Variants in PLCXD1 observed in about 807,000 individuals in gnomAD.
PLCXD1 encodes the protein phosphatidylinositol specific phospholipase C X domain containing 1, also known as PI-PLC X domain-containing protein 1.
A neutral mutation model predicts 37.8 loss-of-function variants in PLCXD1; 45 were observed. The observed-to-expected ratio is 1.19, with a 90% CI of 0.94 to 1.53. PLCXD1 has a LOEUF of 1.53. Ranked by LOEUF, PLCXD1 falls within the 40% of genes most tolerant of loss-of-function variation. The probability of loss-of-function intolerance (pLI) is 0.00; values close to 1 mark genes in which losing one functional copy is unlikely to be tolerated. For synonymous variants in PLCXD1, 246 were observed against 206.9 expected (o/e 1.19, Z -1.62); for missense variants, 539 against 454.7 (o/e 1.19, Z -1.69).
chrX:292,062 G>A (rs764152886), intron 5 of PLCXD1, among the ~76,000 whole-genome samples: 1 of 152,200 alleles, frequency 6.6e-6, no homozygotes, highest in Non-Finnish European at 1.5e-5. Flanking sequence ...AGGACTTTGG[G>A]AGGCCGAGGC....
rs768901461 is a variant in PLCXD1 at position 299,346 on chromosome X, CT to C, written c.*12del. ...CTGCTGTGGTGCTGACGGGACCCTTCTGAAGTTCGGGACGCGGCGGCTGCAG... is the reference window on the plus strand; with the variant it reads ...CTGCTGTGGTGCTGACGGGACCCTTCGAAGTTCGGGACGCGGCGGCTGCAG... On this transcript the variant is annotated 3_prime_UTR_variant, in exon 7 of 7. Coordinates refer to ENST00000381657, the MANE Select transcript of PLCXD1 (RefSeq NM_018390.4). 5 of 1,593,828 alleles carry C rather than the reference CT, an allele frequency of 3.1e-6. No individual in the cohort carries two copies. The South Asian group carries it at 5.5e-5, about 18-fold the overall frequency.
At chrX:283,465 A>ACCCCAGTTC (rs1352416067) in intron 1 of PLCXD1, 1 of 149,484 alleles carries the variant, frequency 6.7e-6, no homozygotes, top group Non-Finnish European at 1.5e-5. Context: ...TGGCCCGCCC[A>ACCCCAGTTC]CCCCAGTTCC....
rs750320863 is a variant in PLCXD1, at chrX:299,181, C to T, written c.818C>T (p.Thr273Met). The T allele has an allele frequency of 1.5e-5, 25 of 1,613,904 alleles. No homozygotes were observed. Among genetic ancestry groups the T allele is most frequent in the East Asian group, 4.5e-5 (2 of 44,874 alleles). Reference sequence around the variant, plus strand: ...CCGTCCGAGTCCCTGGAGAAGATGACGCTGCCCAACCTTCCGCGGCTGAGC... The same window carrying T: ...CCGTCCGAGTCCCTGGAGAAGATGATGCTGCCCAACCTTCCGCGGCTGAGC... ...AHPSESLEKM[T>M]LPNLPRLSAW... The change falls in exon 7 of 7, where the codon ACG becomes ATG. Residue 273 changes from threonine (T) to methionine (M), a missense_variant. Thr to Met is a moderately conservative substitution (Grantham distance 81). Coordinates refer to ENST00000381657, the MANE Select transcript of PLCXD1 (RefSeq NM_018390.4).
chrX:289,524 T>TTG (rs1291367217), intron 3 of PLCXD1, among the ~76,000 whole-genome samples: 2 of 149,258 alleles, frequency 1.3e-5, no homozygotes, highest in East Asian at 3.9e-4. Context: ...TTCTTTTTTT[T>TTG]TTTTTTGAGA....
Position 299,767 on chromosome X carries a change from A to G in PLCXD1, c.*432A>G, listed in dbSNP as rs2069943180. ...CCGAGACTCCATCTCAAAAGAAAAA[A>G]AAACAGCCGAGTGTGCAGTGACTCA... On this transcript the variant is annotated 3_prime_UTR_variant, in exon 7 of 7. Transcript: ENST00000381657. 1 of 188,502 alleles carries G rather than the reference A, an allele frequency of 5.3e-6. No individual in the cohort carries two copies. Among genetic ancestry groups the G allele is most frequent in the Non-Finnish European group, 1.1e-5 (1 of 94,652 alleles). 11.7% of individuals were successfully genotyped at this position (188,502 alleles called of 1,614,324 possible).
At chrX:284,410 T>TGGCTGTAGGA in intron 2 of PLCXD1, 96 bp downstream of exon 2, 2 of 1,391,254 alleles carry the variant, frequency 1.4e-6, no homozygotes, top group Non-Finnish European at 2.0e-6. Flanking sequence ...GTGGGGACGC[T>TGGCTGTAGGA]GGCTGTAGGA....
rs140121517 is a variant in PLCXD1, at chrX:291,331, A to G, written c.394-168A>G. Reference sequence around the variant, plus strand: ...CAGCTAATTTTTGTATTTTTAGTAGATACGGGGTTTCACCATGTTGGCTAG... The same window carrying G: ...CAGCTAATTTTTGTATTTTTAGTAGGTACGGGGTTTCACCATGTTGGCTAG... On this transcript the variant is annotated intron_variant, in intron 4 of 6. Transcript: ENST00000381657. Among the ~76,000 whole-genome samples, 874 of 152,060 alleles carry G rather than the reference A, an allele frequency of 5.7e-3. 8 individuals are homozygous for G. Among genetic ancestry groups the G allele is most frequent in the African/African-American group, 0.019 (804 of 41,480 alleles).
intron 1 of PLCXD1, chrX:283,021 G>A (rs1217655221): frequency 1.4e-5 from 2 of 144,548 alleles, no homozygotes; most frequent in Non-Finnish European, 3.0e-5. Flanking sequence ...TTATATATAT[G>A]TTATGTATAT....
rs762986939 is a variant in PLCXD1 at position 290,647 on chromosome X, G to C, written c.265-1G>C. 8 of 1,613,636 alleles carry C rather than the reference G, an allele frequency of 5.0e-6. No homozygotes were observed. Among genetic ancestry groups the C allele is most frequent in the Non-Finnish European group, 6.8e-6 (8 of 1,179,810 alleles). ...GACATGACAGCAGCCTCTGTCCACA[G>C]GCACTGGACGTCACAGAGCAGCTGG... On this transcript the variant is annotated splice_acceptor_variant, in intron 3 of 6. Coordinates refer to ENST00000381657, the MANE Select transcript of PLCXD1 (RefSeq NM_018390.4). LOFTEE classifies it high-confidence loss of function.
intron 3 of PLCXD1, 34 bp from the exon 4 acceptor site, chrX:290,614 G>A: frequency 1.2e-6 from 2 of 1,612,076 alleles, no homozygotes; most frequent in South Asian, 1.1e-5. Context: ...GCGGCGCTCA[G>A]CCAGGCAGAC....
At chrX:282,103 G>A (rs1174816263) in intron 1 of PLCXD1, among the ~76,000 whole-genome samples, 1 of 152,146 alleles carries the variant, frequency 6.6e-6, no homozygotes, top group African/African-American at 2.4e-5. Flanking sequence ...ACATTCCTCA[G>A]ATGTGAAACT....
At chrX:286,920 G>C (rs1006452271) in intron 2 of PLCXD1, among the ~76,000 whole-genome samples, 1 of 151,930 alleles carries the variant, frequency 6.6e-6, no homozygotes, top group Non-Finnish European at 1.5e-5. Context: ...GCTCAAGATC[G>C]GGGGAGCAGG....
intron 6 of PLCXD1, among the ~76,000 whole-genome samples, chrX:293,780 C>T (rs1031695443): frequency 1.3e-5 from 2 of 152,144 alleles, no homozygotes; most frequent in African/African-American, 4.8e-5. Context: ...CACAAAAGGA[C>T]ACGTAGTGTG....
chrX:294,971 T>G (rs1435120052), intron 6 of PLCXD1, among the ~76,000 whole-genome samples: 1 of 151,648 alleles, frequency 6.6e-6, no homozygotes, highest in Non-Finnish European at 1.5e-5. Context: ...AGATCAGGAG[T>G]TTGCGACCAG....
At position 300,453 on chromosome X, in the gene PLCXD1, CAT is replaced by C. The variant is rs1391957244; in HGVS notation, c.*1119_*1120del. On this transcript the variant is annotated 3_prime_UTR_variant, in exon 7 of 7. Coordinates refer to ENST00000381657, the MANE Select transcript of PLCXD1 (RefSeq NM_018390.4). ...GTGTATATATGTATGTATGTTTATA[CAT>C]GTGTATATGTGTGTGTGTGTGTGTA... The C allele has an allele frequency of 2.1e-5, 3 of 143,520 alleles. No homozygotes were observed. The highest frequency in any genetic ancestry group is 2.2e-4 in the South Asian group (1 of 4,484). The allele number at this position is 143,520 out of a possible 1,614,324, so 8.9% of individuals were successfully genotyped here. A position where few individuals can be genotyped will look rare whatever the true frequency, so the allele number is the denominator to read the frequency against.
In PLCXD1 at chrX:293,091, T is replaced by G; in HGVS notation, c.606T>G (p.Tyr202Ter). 1 of 1,611,454 alleles carries G rather than the reference T, an allele frequency of 6.2e-7. No homozygotes were observed. Among genetic ancestry groups the G allele is most frequent in the South Asian group, 1.1e-5 (1 of 90,976 alleles). Reference sequence around the variant, plus strand: ...GGGGCCAACAGGTCATCGTCTCCTATGAAGACGAGAGCTCCTTGCGCCGGC... The same window carrying G: ...GGGGCCAACAGGTCATCGTCTCCTAGGAAGACGAGAGCTCCTTGCGCCGGC... Reference protein sequence around the residue: ...WSRGQQVIVSYEDESSLRRHH... With the variant: ...WSRGQQVIVS Residue 202 changes from tyrosine (Y) to a stop codon, truncating the protein, a stop_gained, in exon 6 of 7, where the codon TAT becomes TAG. Transcript: ENST00000381657. LOFTEE classifies it high-confidence loss of function.
At position 281,390 on chromosome X, in the gene PLCXD1, A is replaced by T. The variant is rs2069274226; in HGVS notation, c.-316A>T. Reference sequence around the variant, plus strand: ...CCTCCCTCCCTCCCTCCTTCCGGGCAGCAGGGAAGATCTGAGTTCATGTAG... The same window carrying T: ...CCTCCCTCCCTCCCTCCTTCCGGGCTGCAGGGAAGATCTGAGTTCATGTAG... On this transcript the variant is annotated 5_prime_UTR_variant, in exon 1 of 7. Transcript: ENST00000381657. 6.8e-6 allele frequency: 1 copy of T among 146,148 alleles called. No homozygotes were observed. The highest frequency in any genetic ancestry group is 2.7e-5 in the African/African-American group (1 of 37,724). 9.1% of individuals were successfully genotyped at this position (146,148 alleles called of 1,614,324 possible).
Position 301,830 on chromosome X carries a change from T to C in PLCXD1, c.*2495T>C, listed in dbSNP as rs2070025945. The C allele has an allele frequency of 6.6e-6, 1 of 152,224 alleles. No individual in the cohort carries two copies. Among genetic ancestry groups the C allele is most frequent in the Non-Finnish European group, 1.5e-5 (1 of 68,090 alleles). 9.4% of individuals were successfully genotyped at this position (152,224 alleles called of 1,614,324 possible). A position where few individuals can be genotyped will look rare whatever the true frequency, so the allele number is the denominator to read the frequency against. ...TAGCAGAGATGGGGTTTCACCATGTTGCCCAGGCTGGTCTTGAACTCCCGA... is the reference window on the plus strand; with the variant it reads ...TAGCAGAGATGGGGTTTCACCATGTCGCCCAGGCTGGTCTTGAACTCCCGA... On this transcript the variant is annotated 3_prime_UTR_variant, in exon 7 of 7. Coordinates refer to ENST00000381657, the MANE Select transcript of PLCXD1 (RefSeq NM_018390.4).
intron 3 of PLCXD1, 148 bp from the exon 4 acceptor site, chrX:290,500 C>T: frequency 1.3e-6 from 1 of 775,752 alleles, no homozygotes; most frequent in East Asian, 2.7e-5. Flanking sequence ...GGCTGCAGCG[C>T]TCCCAGCACA....
Sources: allele counts gnomAD v4.1 joint callset (sites outside exome capture counted in the v4.1 genomes callset), GRCh38; gene constraint gnomAD v4.1.1; transcripts MANE v1.5; gene names NCBI Gene and HGNC (gene_info 2026-07-23, HGNC 2026-07-21).